DIP2C: variants seen among roughly 807,000 people sequenced by gnomAD.
The protein encoded by DIP2C is DIP2 acetate--CoA ligase C (putative).
In DIP2C, 33 loss-of-function variants were observed where a neutral mutation model predicts 192.4. That is an observed-to-expected ratio of 0.17 (90% CI 0.13 to 0.23). DIP2C has a LOEUF of 0.23. Ranked by LOEUF, DIP2C falls within the 10% of genes least tolerant of loss-of-function variation. DIP2C has a pLI of 1.00. For synonymous variants in DIP2C, 979 were observed against 864.1 expected (o/e 1.13, Z -2.33); for missense variants, 1,537 against 2,110.1 (o/e 0.73, Z 5.32).
chr10:659,571 G>A (rs1022062413), intron 1 of DIP2C, among the ~76,000 whole-genome samples: 5 of 152,170 alleles, frequency 3.3e-5, no homozygotes, highest in Admixed American at 6.5e-5. Context: ...GTGAACATAC[G>A]AATAGAAATA....
At chr10:526,418 T>C (rs1457667028) in intron 1 of DIP2C, among the ~76,000 whole-genome samples, 1 of 152,056 alleles carries the variant, frequency 6.6e-6, no homozygotes, top group Non-Finnish European at 1.5e-5. Flanking sequence ...TTCATACCAC[T>C]GTAGAGACTA....
intron 1 of DIP2C, among the ~76,000 whole-genome samples, chr10:541,660 C>A (rs995605686): frequency 2.7e-5 from 4 of 150,118 alleles, no homozygotes; most frequent in Non-Finnish European, 4.4e-5. Flanking sequence ...CCCGACCACA[C>A]CCGTCTCTCC....
At chr10:461,644 G>A (rs1564741338) in intron 3 of DIP2C, among the ~76,000 whole-genome samples, 1 of 152,106 alleles carries the variant, frequency 6.6e-6, no homozygotes, top group African/African-American at 2.4e-5. Context: ...AATTAACAAG[G>A]ATATTCAGGA....
chr10:392,571 C>A (rs1016390594), intron 10 of DIP2C, among the ~76,000 whole-genome samples: 3 of 152,330 alleles, frequency 2.0e-5, no homozygotes, highest in South Asian at 4.1e-4. Context: ...GTGCCCCCCG[C>A]GGCCCCGTCA....
At chr10:568,722 C>T (rs960902504) in intron 1 of DIP2C, among the ~76,000 whole-genome samples, 4 of 135,140 alleles carry the variant, frequency 3.0e-5, no homozygotes, top group South Asian at 2.4e-4. Context: ...GTCGAGATCG[C>T]GCCACTGCGC....
At position 384,013 on chromosome 10, in the gene DIP2C, C is replaced by T. The variant is rs376762001; in HGVS notation, c.1876+14G>A. 1.6e-5 allele frequency: 24 copies of T among 1,531,014 alleles called. No homozygotes were observed. Among genetic ancestry groups the T allele is most frequent in the East Asian group, 1.0e-4 (4 of 39,744 alleles). 94.8% of individuals were successfully genotyped at this position (1,531,014 alleles called of 1,614,324 possible). A position where few individuals can be genotyped will look rare whatever the true frequency, so the allele number is the denominator to read the frequency against. On this transcript the variant is annotated intron_variant, in intron 16 of 36. Transcript: ENST00000280886. The stretch of plus-strand genomic sequence containing the variant: ...AGCCCGCCTGCCTCACGAGATCACA[C>T]GCTCCTCACTTACAGGGGTTCGCGC...
intron 8 of DIP2C, 74 bp downstream of exon 8, chr10:413,839 C>A (rs1965349526): frequency 6.5e-7 from 1 of 1,545,886 alleles, no homozygotes; most frequent in Non-Finnish European, 8.8e-7. Flanking sequence ...TGTAAACGGA[C>A]ACTGAGTTTC....
At chr10:552,084 C>T (rs1300573934) in intron 1 of DIP2C, among the ~76,000 whole-genome samples, 1 of 152,240 alleles carries the variant, frequency 6.6e-6, no homozygotes, top group Non-Finnish European at 1.5e-5. Flanking sequence ...CAGACTCAGT[C>T]TGCAATCTAA....
chr10:609,985 A>C (rs182109902), intron 1 of DIP2C, among the ~76,000 whole-genome samples: 15 of 152,120 alleles, frequency 9.9e-5, no homozygotes, highest in Non-Finnish European at 2.1e-4. Flanking sequence ...TGAGAACATC[A>C]AAGTGGCTCA....
chr10:491,809 T>C (rs1295642208), intron 1 of DIP2C, among the ~76,000 whole-genome samples: 10 of 152,324 alleles, frequency 6.6e-5, no homozygotes, highest in Middle Eastern at 3.4e-3. Flanking sequence ...ATGAGAGACG[T>C]CCAAGTTGAT....
chr10:447,973 T>C (rs865969652), intron 3 of DIP2C, among the ~76,000 whole-genome samples: 93 of 61,608 alleles, frequency 1.5e-3, no homozygotes, highest in African/African-American at 2.3e-3. Flanking sequence ...TCACCCCCGT[T>C]GATATTCAGG....
intron 29 of DIP2C, among the ~76,000 whole-genome samples, chr10:338,273 C>A (rs571279854): frequency 6.6e-6 from 1 of 152,158 alleles, no homozygotes; most frequent in South Asian, 2.1e-4. Flanking sequence ...ACAAACTTGG[C>A]GTAGCCAAAG....
At position 295,682 on chromosome 10, in the gene DIP2C, C is replaced by A. The variant is rs536069021; in HGVS notation, c.3987-7261G>T. On this transcript the variant is annotated intron_variant, in intron 32 of 36. Transcript: ENST00000280886. Reference sequence around the variant, plus strand: ...TGGTGAGGATACAGAGAGAAGGGAACTCTTATACACTGTTGGTAGGAATGT... The same window carrying A: ...TGGTGAGGATACAGAGAGAAGGGAAATCTTATACACTGTTGGTAGGAATGT... Among the ~76,000 whole-genome samples the A allele has an allele frequency of 2.7e-5, 4 of 147,708 alleles. No individual in the cohort carries two copies. The South Asian group carries it at 8.6e-4, about 32-fold the overall frequency.
chr10:317,707 C>T (rs1956835408), intron 31 of DIP2C, among the ~76,000 whole-genome samples: 1 of 152,194 alleles, frequency 6.6e-6, no homozygotes, highest in Non-Finnish European at 1.5e-5. Context: ...TCCTGGGTCC[C>T]TAAGACTCTT....
At chr10:642,376 T>C (rs370674779) in intron 1 of DIP2C, among the ~76,000 whole-genome samples, 28 of 152,342 alleles carry the variant, frequency 1.8e-4, no homozygotes, top group African/African-American at 6.5e-4. Flanking sequence ...CATTCCAGTC[T>C]AGGGCCACAT....
At chr10:525,597 A>G (rs974314453) in intron 1 of DIP2C, among the ~76,000 whole-genome samples, 1 of 152,236 alleles carries the variant, frequency 6.6e-6, no homozygotes, top group Non-Finnish European at 1.5e-5. Flanking sequence ...AGACTTCAGA[A>G]TTTTCCTCAT....
intron 1 of DIP2C, among the ~76,000 whole-genome samples, chr10:556,899 C>G (rs1848907248): frequency 6.6e-6 from 1 of 151,862 alleles, no homozygotes; most frequent in Non-Finnish European, 1.5e-5. Flanking sequence ...CTGACCTTCA[C>G]AGCCCATCAA....
At chr10:439,850 G>A (rs1967585274) in intron 4 of DIP2C, among the ~76,000 whole-genome samples, 1 of 152,102 alleles carries the variant, frequency 6.6e-6, no homozygotes, top group Non-Finnish European at 1.5e-5. Context: ...CCAAAAAATT[G>A]TACATTTTCA....
chr10:405,398 A>C lies in DIP2C; in HGVS notation c.1149+3528T>G, dbSNP rs574596364. On this transcript the variant is annotated intron_variant, in intron 9 of 36. Coordinates refer to ENST00000280886, the MANE Select transcript of DIP2C (RefSeq NM_014974.3). ...AAATGTGGTATAACAAAGTTAATAA[A>C]AGCAGAATATAAAATTGTACATTAT... is the stretch of plus-strand genomic sequence containing the variant. Among the ~76,000 whole-genome samples the C allele has an allele frequency of 1.3e-5, 2 of 152,384 alleles. 1 individual carries two copies. Among genetic ancestry groups the C allele is most frequent in the South Asian group, 4.1e-4 (2 of 4,826 alleles).
Sources: allele counts gnomAD v4.1 joint callset (sites outside exome capture counted in the v4.1 genomes callset), GRCh38; gene constraint gnomAD v4.1.1; transcripts MANE v1.5; gene names NCBI Gene and HGNC (gene_info 2026-07-23, HGNC 2026-07-21).